The following CCDC181 variants were observed in gnomAD, a reference collection of about 807,000 sequenced individuals.
The protein encoded by CCDC181 is coiled-coil domain-containing protein 181.
Under a neutral mutation model 58.7 loss-of-function variants are expected in CCDC181, and 35 were observed. The ratio of observed to expected loss-of-function variants is 0.60; its 90% CI spans 0.46 to 0.79. The LOEUF is 0.79. Ranked by LOEUF, CCDC181 falls within the 30% of genes least tolerant of loss-of-function variation. The pLI, the probability that CCDC181 is intolerant of heterozygous loss-of-function variation, is 0.00. For missense variants in CCDC181, 517 were observed against 583.9 expected (o/e 0.89, Z 1.18); for synonymous variants, 183 against 197.5 (o/e 0.93, Z 0.62).
rs533392499 is a variant in CCDC181 at position 169,416,584 on chromosome 1, A to T, written c.1215+2429T>A. On this transcript the variant is annotated intron_variant, in intron 4 of 5. Transcript: ENST00000367806. The stretch of plus-strand genomic sequence containing the variant: ...CCCCATTATAGTGTTTATTATCCGC[A>T]TTTTATTAGGAATTTTTAAAAAGAA... 4.7e-4 allele frequency among the ~76,000 whole-genome samples: 72 copies of T among 152,238 alleles called. 2 individuals are homozygous for T. In the South Asian group the frequency reaches 0.015, roughly 32 times the overall value.
At chr1:169,410,790 T>C (rs1368896286) in intron 4 of CCDC181, among the ~76,000 whole-genome samples, 1 of 152,186 alleles carries the variant, frequency 6.6e-6, no homozygotes, top group Non-Finnish European at 1.5e-5. Flanking sequence ...CCTGAATGAC[T>C]ACTGGGTAAA....
intron 5 of CCDC181, among the ~76,000 whole-genome samples, 182 bp downstream of exon 5, chr1:169,397,055 T>A (rs922813579): frequency 1.3e-5 from 2 of 150,642 alleles, no homozygotes; most frequent in Non-Finnish European, 3.0e-5. Context: ...TCCATATATA[T>A]AATATATATA....
chr1:169,413,218 C>T (rs924258667), intron 4 of CCDC181, among the ~76,000 whole-genome samples: 2 of 152,168 alleles, frequency 1.3e-5, no homozygotes, highest in Admixed American at 6.5e-5. Context: ...AGGATATGAA[C>T]AGACAATTCT....
chr1:169,403,021 G>GA (rs199798603), intron 4 of CCDC181, among the ~76,000 whole-genome samples: 122 of 80,808 alleles, frequency 1.5e-3, no homozygotes, highest in African/African-American at 5.0e-3. Context: ...CCTAGTCTCT[G>GA]AAAAAACCAG....
intron 4 of CCDC181, among the ~76,000 whole-genome samples, chr1:169,410,822 AAAT>A (rs1319743993): frequency 6.6e-6 from 1 of 152,208 alleles, no homozygotes; most frequent in African/African-American, 2.4e-5. Flanking sequence ...AGGGAGAAAT[AAAT>A]AAGTTCTTTG....
chr1:169,424,822 TG>T lies in CCDC181; in HGVS notation c.105del (p.Ser36AlafsTer2). On this transcript the variant is annotated frameshift_variant, in exon 2 of 6. Transcript: ENST00000367806. LOFTEE classifies it high-confidence loss of function. ...WLINENEKSD[A>X]SIIEMACEKE... is the part of the protein sequence containing the mutation. ...TTGGCAATATATACCTCTATTATGC[TG>T]GCATCACTTTTTTCATTTTCATTAA... is the stretch of plus-strand genomic sequence containing the variant. 1 of 1,570,726 alleles carries T rather than the reference TG, an allele frequency of 6.4e-7. No individual in the cohort carries two copies. The highest frequency in any genetic ancestry group is 8.7e-7 in the Non-Finnish European group (1 of 1,144,278).
intron 4 of CCDC181, among the ~76,000 whole-genome samples, chr1:169,415,838 C>T (rs1174819689): frequency 6.6e-6 from 1 of 152,164 alleles, no homozygotes; most frequent in East Asian, 1.9e-4. Context: ...CTCCATTACA[C>T]TTGCCACGTA....
At chr1:169,404,992 A>G (rs1049857042) in intron 4 of CCDC181, among the ~76,000 whole-genome samples, 2 of 152,230 alleles carry the variant, frequency 1.3e-5, no homozygotes, top group Non-Finnish European at 2.9e-5. Context: ...TACAAAAATC[A>G]CAAGCATTCT....
At chr1:169,417,292 C>G (rs1656256504) in intron 4 of CCDC181, among the ~76,000 whole-genome samples, 1 of 152,182 alleles carries the variant, frequency 6.6e-6, no homozygotes, top group Admixed American at 6.5e-5. Flanking sequence ...TTCTGTCTGA[C>G]CAGCTATATA....
At chr1:169,419,895 T>C (rs1656383528) in intron 3 of CCDC181, among the ~76,000 whole-genome samples, 1 of 152,156 alleles carries the variant, frequency 6.6e-6, no homozygotes, top group Admixed American at 6.5e-5. Flanking sequence ...CCAGAAAATA[T>C]GGGCATAAAA....
chr1:169,446,426 A>G (rs1657375565), intron 2 of CCDC181, among the ~76,000 whole-genome samples: 2 of 152,050 alleles, frequency 1.3e-5, no homozygotes, highest in Admixed American at 6.6e-5. Flanking sequence ...CCTGGTGACA[A>G]AGCAAGACTC....
At chr1:169,404,012 C>T (rs941366827) in intron 4 of CCDC181, among the ~76,000 whole-genome samples, 9 of 152,238 alleles carry the variant, frequency 5.9e-5, no homozygotes, top group African/African-American at 2.2e-4. Context: ...TACAAACTAC[C>T]ATCAGAGAAT....
At chr1:169,400,973 C>G (rs930640339) in intron 4 of CCDC181, among the ~76,000 whole-genome samples, 3 of 152,190 alleles carry the variant, frequency 2.0e-5, no homozygotes, top group Non-Finnish European at 4.4e-5. Flanking sequence ...TTCCAACGGT[C>G]TTAGCAAACG....
At chr1:169,406,798 GAAAA>G (rs369811308) in intron 4 of CCDC181, among the ~76,000 whole-genome samples, 2,155 of 147,728 alleles carry the variant, frequency 0.015, 45 homozygotes, top group African/African-American at 0.048. Flanking sequence ...AAAAAGAAAA[GAAAA>G]AAAACCCACC....
intron 2 of CCDC181, among the ~76,000 whole-genome samples, chr1:169,446,634 TA>T (rs922063844): frequency 6.6e-6 from 1 of 152,168 alleles, no homozygotes; most frequent in African/African-American, 2.4e-5. Context: ...CCAATAAAAA[TA>T]ATACAAATTA....
rs186144977 is a variant in CCDC181 at position 169,416,924 on chromosome 1, A to C, written c.1215+2089T>G. On this transcript the variant is annotated intron_variant, in intron 4 of 5. Coordinates refer to ENST00000367806, the MANE Select transcript of CCDC181 (RefSeq NM_001300969.2). The stretch of plus-strand genomic sequence containing the variant: ...GGAAAATATATAACATATATAATAG[A>C]CAAAGGATCAAAATCTCTCATATAC... 5.3e-5 allele frequency among the ~76,000 whole-genome samples: 8 copies of C among 152,318 alleles called. No homozygotes were observed. In the East Asian group the frequency reaches 1.5e-3, roughly 29 times the overall value.
intron 2 of CCDC181, among the ~76,000 whole-genome samples, chr1:169,455,948 T>C (rs2101762026): frequency 6.6e-6 from 1 of 152,276 alleles, no homozygotes; most frequent in Middle Eastern, 3.4e-3. Flanking sequence ...ATGAAGAAGA[T>C]ACAGGAACCA....
intron 2 of CCDC181, among the ~76,000 whole-genome samples, chr1:169,423,172 C>T (rs1360093989): frequency 6.6e-6 from 1 of 151,484 alleles, no homozygotes; most frequent in Non-Finnish European, 1.5e-5. Context: ...CACTTTCCTC[C>T]TTCATTTGCT....
At chr1:169,413,116 A>G (rs1308424001) in intron 4 of CCDC181, among the ~76,000 whole-genome samples, 2 of 152,236 alleles carry the variant, frequency 1.3e-5, no homozygotes, top group Non-Finnish European at 2.9e-5. Context: ...AATTTTTGCA[A>G]TCTATCCACT....
Sources: allele counts gnomAD v4.1 joint callset (sites outside exome capture counted in the v4.1 genomes callset), GRCh38; gene constraint gnomAD v4.1.1; transcripts MANE v1.5; gene names NCBI Gene and HGNC (gene_info 2026-07-23, HGNC 2026-07-21).